Variants in N4BP2L2 observed in about 807,000 individuals in gnomAD.
N4BP2L2 encodes the protein NEDD4-binding protein 2-like 2.
Under a neutral mutation model 56.2 loss-of-function variants are expected in N4BP2L2, and 50 were observed. The ratio of observed to expected loss-of-function variants is 0.89; its 90% CI spans 0.71 to 1.13. The LOEUF (loss-of-function observed/expected upper bound fraction) is 1.13, where lower values mean the gene tolerates loss of function less well. N4BP2L2 is among the 50% of genes most tolerant of loss of function. The pLI, the probability that N4BP2L2 is intolerant of heterozygous loss-of-function variation, is 0.00. For missense variants in N4BP2L2, 689 were observed against 693.8 expected (o/e 0.99, Z 0.08); for synonymous variants, 203 against 223.6 (o/e 0.91, Z 0.82).
At chr13:32,480,513 CT>C (rs1386440981) in intron 6 of N4BP2L2, 1 of 849,872 alleles carries the variant, frequency 1.2e-6, no homozygotes, top group African/African-American at 1.8e-5. Flanking sequence ...AATAAAGAGA[CT>C]TTTTTCTACA....
exon 7 of N4BP2L2, chr13:32,443,152 G>T: frequency 6.2e-7 from 1 of 1,613,828 alleles, no homozygotes; most frequent in Middle Eastern, 1.6e-4. Context: ...GAAGAGGTTT[G>T]TTTCTATGAA....
exon 7 of N4BP2L2, chr13:32,444,000 A>T: frequency 6.2e-7 from 1 of 1,608,960 alleles, no homozygotes; most frequent in Non-Finnish European, 8.5e-7. Context: ...GTGTAAGATC[A>T]CTTAAGAATT....
chr13:32,486,507 C>T (rs1485756388), intron 6 of N4BP2L2, among the ~76,000 whole-genome samples: 1 of 151,822 alleles, frequency 6.6e-6, no homozygotes, highest in South Asian at 2.1e-4. Context: ...GAAACCCCAT[C>T]TCTACTAAAA....
At chr13:32,468,461 T>C (rs944610502) in intron 6 of N4BP2L2, among the ~76,000 whole-genome samples, 2 of 152,214 alleles carry the variant, frequency 1.3e-5, no homozygotes, top group African/African-American at 2.4e-5. Flanking sequence ...GTTCTGTCAA[T>C]ATTTTCATTG....
intron 8 of N4BP2L2, among the ~76,000 whole-genome samples, chr13:32,437,705 T>C (rs546805555): frequency 3.9e-5 from 6 of 152,214 alleles, no homozygotes; most frequent in Non-Finnish European, 8.8e-5. Flanking sequence ...TTGTAGCTGT[T>C]ACTCTATCAT....
intron 6 of N4BP2L2, among the ~76,000 whole-genome samples, chr13:32,489,891 TATC>T (rs1319896032): frequency 6.6e-6 from 1 of 152,206 alleles, no homozygotes; most frequent in Admixed American, 6.5e-5. Context: ...AATTTTATGT[TATC>T]ATATAATAAA....
At position 32,527,364 on chromosome 13, in the gene N4BP2L2, C is replaced by T. The variant is rs780639304; in HGVS notation, c.1384+44G>A. ...AAAATAAAATCTAGGTCTTTTGACT[C>T]CTAGCCAAATATTCTATCCTGGGAC... On this transcript the variant is annotated intron_variant, in intron 3 of 5. Coordinates refer to ENST00000267068, the Ensembl canonical transcript of N4BP2L2. 4.4e-6 allele frequency: 7 copies of T among 1,597,934 alleles called. No individual in the cohort carries two copies. In the Admixed American group the frequency reaches 5.3e-5, roughly 12 times the overall value.
chr13:32,502,121 T>C (rs1206353963), intron 6 of N4BP2L2, among the ~76,000 whole-genome samples: 1 of 150,508 alleles, frequency 6.6e-6, no homozygotes, highest in African/African-American at 2.5e-5. Flanking sequence ...TGGAATACAG[T>C]GGCACGATCT....
chr13:32,499,027 G>C (rs897005064), intron 6 of N4BP2L2, among the ~76,000 whole-genome samples: 9 of 141,830 alleles, frequency 6.3e-5, no homozygotes, highest in Admixed American at 6.3e-4. Context: ...ATTTAAAAAA[G>C]AAATATTGTT....
chr13:32,494,070 T>C (rs1243920743), intron 6 of N4BP2L2, among the ~76,000 whole-genome samples: 2 of 151,740 alleles, frequency 1.3e-5, no homozygotes, highest in Non-Finnish European at 2.9e-5. Flanking sequence ...ACCAGGAGTT[T>C]GAGAACAGCC....
intron 6 of N4BP2L2, among the ~76,000 whole-genome samples, chr13:32,475,966 G>T (rs1404310654): frequency 2.6e-5 from 4 of 152,172 alleles, no homozygotes; most frequent in Non-Finnish European, 4.4e-5. Flanking sequence ...CTTGTTAGAG[G>T]TGAAATATTT....
intron 3 of N4BP2L2, among the ~76,000 whole-genome samples, chr13:32,526,606 T>G (rs1416072014): frequency 6.6e-6 from 1 of 152,168 alleles, no homozygotes; most frequent in South Asian, 2.1e-4. Flanking sequence ...AAATTTTTCA[T>G]AATAAAAGCT....
At chr13:32,487,544 C>T (rs1281197764) in intron 6 of N4BP2L2, among the ~76,000 whole-genome samples, 8 of 150,918 alleles carry the variant, frequency 5.3e-5, no homozygotes, top group Non-Finnish European at 8.9e-5. Flanking sequence ...TTGTGGCATG[C>T]GCCTGTAATC....
chr13:32,522,351 T>C, intron 3 of N4BP2L2, 81 bp from the exon 4 acceptor site: 1 of 946,884 alleles, frequency 1.1e-6, no homozygotes, highest in Non-Finnish European at 1.5e-6. Flanking sequence ...TATTAAGAAA[T>C]GTACTACGTC....
rs1322476031 is a variant in N4BP2L2, at chr13:32,454,802, T to A, written c.366-10676A>T. Among the ~76,000 whole-genome samples, 3 of 152,146 alleles carry A rather than the reference T, an allele frequency of 2.0e-5. No homozygotes were observed. In the South Asian group the frequency reaches 6.2e-4, roughly 32 times the overall value. ...AACAAGTAGATAATCACACTCTGAA[T>A]AGAGCATTTAAGAGAGAACACTGGA... On this transcript the variant is annotated intron_variant, in intron 6 of 9. Transcript: ENST00000357505.
intron 6 of N4BP2L2, among the ~76,000 whole-genome samples, chr13:32,482,098 T>C (rs917908691): frequency 6.6e-6 from 1 of 152,216 alleles, no homozygotes; most frequent in Non-Finnish European, 1.5e-5. Flanking sequence ...CTTTTTTGTA[T>C]GTCTTAAATA....
At chr13:32,500,452 CCAGGTG>C (rs2089752783) in intron 6 of N4BP2L2, among the ~76,000 whole-genome samples, 1 of 151,166 alleles carries the variant, frequency 6.6e-6, no homozygotes, top group Middle Eastern at 3.4e-3. Flanking sequence ...GAATATGTCA[CCAGGTG>C]CAGTGGCTCT....
At chr13:32,522,057 A>G in intron 4 of N4BP2L2, 125 bp downstream of exon 4, 1 of 663,526 alleles carries the variant, frequency 1.5e-6, no homozygotes, top group South Asian at 1.9e-5. Flanking sequence ...TAAGCAAACC[A>G]ACAAACCTCT....
At chr13:32,465,156 G>A (rs1380581911) in intron 6 of N4BP2L2, among the ~76,000 whole-genome samples, 6 of 151,876 alleles carry the variant, frequency 4.0e-5, no homozygotes, top group Non-Finnish European at 7.4e-5. Flanking sequence ...TAGTAGAGAC[G>A]GGGTTTCACC....
Sources: allele counts gnomAD v4.1 joint callset (sites outside exome capture counted in the v4.1 genomes callset), GRCh38; gene constraint gnomAD v4.1.1; transcripts MANE v1.5; gene names NCBI Gene and HGNC (gene_info 2026-07-23, HGNC 2026-07-21).